SIL1: variants seen among roughly 807,000 people sequenced by gnomAD.
SIL1 encodes SIL1 nucleotide exchange factor.
Under a neutral mutation model 49.1 loss-of-function variants are expected in SIL1, and 40 were observed. The observed-to-expected ratio is 0.81, with a 90% CI of 0.63 to 1.06. The LOEUF is 1.06. SIL1 is among the 50% of genes least tolerant of loss of function. The probability of loss-of-function intolerance (pLI) is 0.00; values close to 1 mark genes in which losing one functional copy is unlikely to be tolerated. For synonymous variants in SIL1, 253 were observed against 250.8 expected (o/e 1.01, Z -0.08); for missense variants, 500 against 572.6 (o/e 0.87, Z 1.29).
intron 1 of SIL1, among the ~76,000 whole-genome samples, chr5:139,170,208 G>C (rs545618103): frequency 4.6e-5 from 7 of 151,372 alleles, no homozygotes; most frequent in Middle Eastern, 6.8e-3. Context: ...GCGTGATCTC[G>C]GCTCGCTACA....
chr5:138,992,171 C>T (rs1478212197), intron 7 of SIL1, among the ~76,000 whole-genome samples: 1 of 152,204 alleles, frequency 6.6e-6, no homozygotes, highest in Non-Finnish European at 1.5e-5. Context: ...ACAAATCCCA[C>T]CTGCTCCCTC....
At chr5:139,126,747 C>G (rs750948334) in intron 2 of SIL1, among the ~76,000 whole-genome samples, 2 of 152,244 alleles carry the variant, frequency 1.3e-5, no homozygotes, top group Admixed American at 1.3e-4. Context: ...CAAATGATTT[C>G]AGAGAGAAGG....
At position 139,069,215 on chromosome 5, in the gene SIL1, G is replaced by A. The variant is rs540496500; in HGVS notation, c.245-18169C>T. Reference sequence around the variant, plus strand: ...AGGTGGGAGGATCACTTGAGCCCAGGAGCTCAAGATTGCAGTGAGCTATGA... The same window carrying A: ...AGGTGGGAGGATCACTTGAGCCCAGAAGCTCAAGATTGCAGTGAGCTATGA... On this transcript the variant is annotated intron_variant, in intron 3 of 9. Coordinates refer to ENST00000394817, the MANE Select transcript of SIL1 (RefSeq NM_022464.5). 8.5e-4 allele frequency among the ~76,000 whole-genome samples: 129 copies of A among 152,142 alleles called. 1 individual carries two copies. The highest frequency in any genetic ancestry group is 2.9e-3 in the African/African-American group (122 of 41,478).
intron 3 of SIL1, among the ~76,000 whole-genome samples, chr5:139,097,927 G>A: frequency 6.6e-6 from 1 of 152,134 alleles, no homozygotes; most frequent in East Asian, 1.9e-4. Context: ...ATAAAACACT[G>A]ATGAATGAAA....
chr5:139,169,919 C>T (rs184317437), intron 1 of SIL1, among the ~76,000 whole-genome samples: 64 of 137,618 alleles, frequency 4.7e-4, no homozygotes, highest in African/African-American at 1.4e-3. Flanking sequence ...GATGCCGAGC[C>T]GAAGCTGGAC....
intron 3 of SIL1, among the ~76,000 whole-genome samples, chr5:139,101,351 T>A (rs1770583585): frequency 6.6e-6 from 1 of 152,094 alleles, no homozygotes; most frequent in Non-Finnish European, 1.5e-5. Flanking sequence ...CCAATTAATC[T>A]CCTATCTTTT....
intron 3 of SIL1, among the ~76,000 whole-genome samples, chr5:139,056,700 G>A (rs1350543342): frequency 3.3e-5 from 5 of 149,952 alleles, no homozygotes; most frequent in Non-Finnish European, 5.9e-5. Flanking sequence ...AGGTGGGGGC[G>A]TCAGCCCCCC....
At position 139,055,630 on chromosome 5, in the gene SIL1, C is replaced by T. The variant is rs10045176; in HGVS notation, c.245-4584G>A. On this transcript the variant is annotated intron_variant, in intron 3 of 9. Transcript: ENST00000394817. ...TCCCTCTCCCTCTCCCCCTCTCCCC[C>T]TCTCCCCCTCTCCCTCTCCCCACGG... Among the ~76,000 whole-genome samples, 429 of 113,136 alleles carry T rather than the reference C, an allele frequency of 3.8e-3. 6 individuals are homozygous for T. Among genetic ancestry groups the T allele is most frequent in the African/African-American group, 0.015 (380 of 25,404 alleles). 74.2% of individuals were successfully genotyped at this position (113,136 alleles called of 152,430 possible). A position where few individuals can be genotyped will look rare whatever the true frequency, so the allele number is the denominator to read the frequency against.
chr5:139,196,478 T>A (rs1476891250), intron 1 of SIL1: 1 of 152,202 alleles, frequency 6.6e-6, no homozygotes, highest in Non-Finnish European at 1.5e-5. Context: ...CTCCTGCCAA[T>A]GAAACACACC....
At chr5:139,009,660 G>A (rs1270857933) in intron 7 of SIL1, among the ~76,000 whole-genome samples, 2 of 151,084 alleles carry the variant, frequency 1.3e-5, no homozygotes, top group East Asian at 3.9e-4. Context: ...GAGGTCTGGT[G>A]GTGACAAAAT....
intron 7 of SIL1, among the ~76,000 whole-genome samples, chr5:139,009,907 A>T (rs1055326797): frequency 1.3e-5 from 2 of 149,324 alleles, no homozygotes; most frequent in Non-Finnish European, 3.0e-5. Flanking sequence ...TTTTTCCTTC[A>T]TTTCAACTTT....
In SIL1 at chr5:139,042,691, A is replaced by G; in HGVS notation, c.382T>C (p.Ser128Pro). 3 of 1,613,960 alleles carry G rather than the reference A, an allele frequency of 1.9e-6. No homozygotes were observed. The highest frequency in any genetic ancestry group is 2.5e-6 in the Non-Finnish European group (3 of 1,179,976). Reference sequence around the variant, plus strand: ...GCCAGTGCACTCTTGAGATCCTGAGATGTGTAGGTGTTGGTGTTGATATCC... The same window carrying G: ...GCCAGTGCACTCTTGAGATCCTGAGGTGTGTAGGTGTTGGTGTTGATATCC... Reference protein sequence around the residue: ...RLDINTNTYTSQDLKSALAKF... With the variant: ...RLDINTNTYTPQDLKSALAKF... The change falls in exon 5 of 10, where the codon TCT (serine) becomes CCT (proline). Residue 128 changes from serine to proline, a missense_variant. Coordinates refer to ENST00000394817, the MANE Select transcript of SIL1 (RefSeq NM_022464.5).
chr5:138,985,009 G>A (rs1581006908), intron 7 of SIL1, among the ~76,000 whole-genome samples: 1 of 152,180 alleles, frequency 6.6e-6, no homozygotes, highest in African/African-American at 2.4e-5. Context: ...CAGCTAGAGG[G>A]GCCGAGGTAA....
chr5:139,008,645 GA>G, intron 7 of SIL1, among the ~76,000 whole-genome samples: 1 of 148,196 alleles, frequency 6.7e-6, no homozygotes, highest in South Asian at 2.1e-4. Context: ...GCGTCCCAGA[GA>G]TTCTGGTATG....
chr5:139,057,926 A>G (rs1309836532), intron 3 of SIL1, among the ~76,000 whole-genome samples: 1 of 152,150 alleles, frequency 6.6e-6, no homozygotes, highest in Admixed American at 6.5e-5. Context: ...CTCTTCACTA[A>G]TCCTATTCAT....
intron 4 of SIL1, 76 bp downstream of exon 4, chr5:139,050,862 G>T: frequency 8.4e-7 from 1 of 1,192,466 alleles, no homozygotes; most frequent in Non-Finnish European, 1.3e-6. Context: ...ACATGAATTT[G>T]GGTAACATTT....
At chr5:138,953,689 C>T (rs994407234) in intron 7 of SIL1, among the ~76,000 whole-genome samples, 5 of 124,190 alleles carry the variant, frequency 4.0e-5, no homozygotes, top group Admixed American at 7.4e-5. Context: ...GCTCCCCTGC[C>T]CCCCACGACT....
intron 1 of SIL1, among the ~76,000 whole-genome samples, chr5:139,158,244 A>G (rs534619745): frequency 1.6e-4 from 24 of 152,338 alleles, no homozygotes; most frequent in African/African-American, 5.1e-4. Flanking sequence ...CCTGCCTCCA[A>G]ATGACACCAA....
intron 3 of SIL1, among the ~76,000 whole-genome samples, chr5:139,057,482 C>T (rs1769480549): frequency 6.6e-6 from 1 of 151,962 alleles, no homozygotes; most frequent in Non-Finnish European, 1.5e-5. Context: ...TTTGTACCCC[C>T]ACCTGCCCCC....
Sources: gnomAD v4.1 joint callset for allele counts (sites outside exome capture counted in the v4.1 genomes callset) on GRCh38, gnomAD v4.1.1 for gene constraint, MANE v1.5 for transcripts, NCBI Gene and HGNC (gene_info 2026-07-23, HGNC 2026-07-21) for gene names.